Variants in TMEM109 observed in about 807,000 individuals in gnomAD.
TMEM109 encodes the protein transmembrane protein 109, also known as voltage-gated monoatomic cation channel TMEM109.
A neutral mutation model predicts 26.4 loss-of-function variants in TMEM109; 19 were observed. The observed-to-expected ratio is 0.72, with a 90% confidence interval of 0.50 to 1.06. The LOEUF (loss-of-function observed/expected upper bound fraction) is 1.06. Among genes scored for constraint, TMEM109 ranks in the 50% least tolerant of loss-of-function variants. The pLI is 0.00. For synonymous variants in TMEM109, 129 were observed against 142.0 expected (o/e 0.91, Z 0.65); for missense variants, 262 against 303.4 (o/e 0.86, Z 1.01).
At chr11:60,919,137 C>T (rs1424313807) in intron 1 of TMEM109, 1 of 158,870 alleles carries the variant, frequency 6.3e-6, no homozygotes, top group African/African-American at 2.4e-5. Context: ...GGATAAAAGC[C>T]ACCTCACATG....
intron 2 of TMEM109, 75 bp downstream of exon 2, chr11:60,920,005 C>A: frequency 8.1e-7 from 1 of 1,228,386 alleles, no homozygotes; most frequent in Non-Finnish European, 1.2e-6. Flanking sequence ...ATGGCCACCT[C>A]ATCTTAGTTC....
chr11:60,922,171 A>T lies in TMEM109; in HGVS notation c.*6A>T, dbSNP rs1362287186. 6.3e-7 allele frequency: 1 copy of T among 1,574,900 alleles called. No individual in the cohort carries two copies. Among genetic ancestry groups the T allele is most frequent in the Admixed American group, 1.8e-5 (1 of 54,508 alleles). ...GCAGTGTGGAGGAGGAGTGAGCCGG[A>T]TGCCCCACACACCGCCAGTGTCATA... On this transcript the variant is annotated 3_prime_UTR_variant, in exon 4 of 4. Coordinates refer to ENST00000227525, the MANE Select transcript of TMEM109 (RefSeq NM_024092.3).
rs1856245659 is a variant in TMEM109, at chr11:60,921,938, C to T, written c.505C>T (p.Leu169=). The part of the protein sequence containing the change: ...ILWGLKLVIF[L]AGFVALMRSV... ...GTGGGGCCTGAAGCTTGTCATCTTC[C>T]TGGCCGGCTTCGTGGCCCTGATGAG... The change falls in exon 4 of 4, where the codon CTG becomes TTG. Residue 169 remains leucine (L), a synonymous_variant. Transcript: ENST00000227525. The T allele has an allele frequency of 1.2e-6, 2 of 1,614,134 alleles. No individual in the cohort carries two copies. The highest frequency in any genetic ancestry group is 1.7e-5 in the Admixed American group (1 of 60,024).
At chr11:60,919,531 C>T (rs994631141) in intron 1 of TMEM109, 155 bp from the exon 2 acceptor site, 1 of 640,878 alleles carries the variant, frequency 1.6e-6, no homozygotes, top group African/African-American at 1.8e-5. Flanking sequence ...GTTGGAAGTC[C>T]CAGTCCTTCC....
chr11:60,915,472 G>A (rs911330604), intron 1 of TMEM109, among the ~76,000 whole-genome samples: 1 of 152,232 alleles, frequency 6.6e-6, no homozygotes, highest in African/African-American at 2.4e-5. Context: ...AATTCCTGAG[G>A]AGCTTTGCAA....
At chr11:60,920,819 T>A (rs1329946321) in intron 2 of TMEM109, 67 bp from the exon 3 acceptor site, 3 of 1,326,548 alleles carry the variant, frequency 2.3e-6, no homozygotes. Flanking sequence ...TGGACAGTGG[T>A]GATCAGGCGT....
Position 60,914,260 on chromosome 11 carries a change from C to T in TMEM109, c.-17C>T, listed in dbSNP as rs905462431. The stretch of plus-strand genomic sequence containing the variant: ...GTCGCACGTGAAGGATAGCAGTGGC[C>T]TGAGAAAGGTGAGAGCGGGCCGAGG... On this transcript the variant is annotated 5_prime_UTR_variant, in exon 1 of 4. Transcript: ENST00000227525. The T allele has an allele frequency of 6.6e-6, 1 of 152,242 alleles. No homozygotes were observed. The highest frequency in any genetic ancestry group is 2.1e-4 in the South Asian group (1 of 4,834). 9.4% of individuals were successfully genotyped at this position (152,242 alleles called of 1,614,324 possible). A position where few individuals can be genotyped will look rare whatever the true frequency, so the allele number is the denominator to read the frequency against.
At chr11:60,917,280 G>A (rs563012519) in intron 1 of TMEM109, among the ~76,000 whole-genome samples, 11 of 152,252 alleles carry the variant, frequency 7.2e-5, no homozygotes, top group South Asian at 2.1e-4. Context: ...AACTCCCTGA[G>A]TGCCTGTGTA....
In TMEM109 at chr11:60,922,454, T is replaced by G. The variant is rs574933226; in HGVS notation, c.*289T>G. 5.6e-6 allele frequency: 7 copies of G among 1,244,108 alleles called. No homozygotes were observed. The highest frequency in any genetic ancestry group is 7.7e-6 in the Non-Finnish European group (7 of 905,506). 77.1% of individuals were successfully genotyped at this position (1,244,108 alleles called of 1,614,324 possible). On this transcript the variant is annotated 3_prime_UTR_variant, in exon 4 of 4. Coordinates refer to ENST00000227525, the MANE Select transcript of TMEM109 (RefSeq NM_024092.3). Reference sequence around the variant, plus strand: ...AGGTTGGAGGGGCCTCCCTCTGGCTTCTGCATCTGCGCCAGCAAACATCAC... The same window carrying G: ...AGGTTGGAGGGGCCTCCCTCTGGCTGCTGCATCTGCGCCAGCAAACATCAC...
intron 1 of TMEM109, among the ~76,000 whole-genome samples, chr11:60,915,326 A>G (rs1001217065): frequency 1.3e-5 from 2 of 152,260 alleles, no homozygotes; most frequent in Admixed American, 6.5e-5. Context: ...AGGCAGGTTA[A>G]GTAACAGGCG....
At position 60,922,053 on chromosome 11, in the gene TMEM109, C is replaced by T; in HGVS notation, c.620C>T (p.Ala207Val). The part of the protein sequence containing the change: ...ALLSRLTGSR[A>V]SGAQLEAKVR... Reference sequence around the variant, plus strand: ...CTGAGCCGGCTCACTGGCTCCCGAGCCTCTGGGGCCCAACTCGAGGCCAAG... The same window carrying T: ...CTGAGCCGGCTCACTGGCTCCCGAGTCTCTGGGGCCCAACTCGAGGCCAAG... Residue 207 changes from alanine (A) to valine (V), a missense_variant, in exon 4 of 4, where the codon GCC becomes GTC. By Grantham distance (64) the Ala-to-Val change is moderately conservative. Coordinates refer to ENST00000227525, the MANE Select transcript of TMEM109 (RefSeq NM_024092.3). 6.2e-7 allele frequency: 1 copy of T among 1,613,236 alleles called. No homozygotes were observed. Among genetic ancestry groups the T allele is most frequent in the East Asian group, 2.2e-5 (1 of 44,878 alleles).
rs999821153 is a variant in TMEM109 at position 60,923,056 on chromosome 11, A to G, written c.*891A>G. Reference sequence around the variant, plus strand: ...CCTCCTTGTCTGCACAACTGCATGCACTTCTCTCCCCATCGCTCCACAACC... The same window carrying G: ...CCTCCTTGTCTGCACAACTGCATGCGCTTCTCTCCCCATCGCTCCACAACC... On this transcript the variant is annotated 3_prime_UTR_variant, in exon 4 of 4. Transcript: ENST00000227525. 1.3e-5 allele frequency: 2 copies of G among 152,650 alleles called. No individual in the cohort carries two copies. Among genetic ancestry groups the G allele is most frequent in the Middle Eastern group, 3.4e-3 (1 of 294 alleles). The allele number at this position is 152,650 out of a possible 1,614,324, so 9.5% of individuals were successfully genotyped here.
intron 1 of TMEM109, among the ~76,000 whole-genome samples, chr11:60,917,667 C>CT (rs559644070): frequency 2.7e-5 from 4 of 149,196 alleles, no homozygotes; most frequent in African/African-American, 4.9e-5. Context: ...TGTTGTGTGA[C>CT]TTTTTTTTTT....
At chr11:60,914,498 C>G (rs926822514) in intron 1 of TMEM109, among the ~76,000 whole-genome samples, 1 of 152,200 alleles carries the variant, frequency 6.6e-6, no homozygotes, top group Non-Finnish European at 1.5e-5. Flanking sequence ...AAGAGGGTTG[C>G]GGCGAGGTTC....
At chr11:60,919,997 G>A in intron 2 of TMEM109, 67 bp downstream of exon 2, 2 of 1,347,796 alleles carry the variant, frequency 1.5e-6, no homozygotes, top group East Asian at 2.3e-5. Flanking sequence ...GGTTGGTAAT[G>A]GCCACCTCAT....
chr11:60,922,262 T>C lies in TMEM109; in HGVS notation c.*97T>C, dbSNP rs547079216. Reference sequence around the variant, plus strand: ...CCAGCCCCCTGCCCTTTTCTTGCCCTGTCTCTGAACCTTCAGAACATTGAT... The same window carrying C: ...CCAGCCCCCTGCCCTTTTCTTGCCCCGTCTCTGAACCTTCAGAACATTGAT... On this transcript the variant is annotated 3_prime_UTR_variant, in exon 4 of 4. Coordinates refer to ENST00000227525, the MANE Select transcript of TMEM109 (RefSeq NM_024092.3). The C allele has an allele frequency of 2.6e-6, 4 of 1,546,646 alleles. No individual in the cohort carries two copies. Among genetic ancestry groups the C allele is most frequent in the South Asian group, 2.4e-5 (2 of 83,408 alleles).
At position 60,922,080 on chromosome 11, in the gene TMEM109, T is replaced by G. The variant is rs760062531; in HGVS notation, c.647T>G (p.Val216Gly). 6 of 1,613,204 alleles carry G rather than the reference T, an allele frequency of 3.7e-6. No homozygotes were observed. Among genetic ancestry groups the G allele is most frequent in the Non-Finnish European group, 5.1e-6 (6 of 1,179,894 alleles). The change falls in exon 4 of 4, where the codon GTG (valine) becomes GGG (glycine). Residue 216 changes from valine to glycine, a missense_variant. Val to Gly is a moderately radical substitution (Grantham distance 109). Coordinates refer to ENST00000227525, the MANE Select transcript of TMEM109 (RefSeq NM_024092.3). ...TCTGGGGCCCAACTCGAGGCCAAGG[T>G]GCGAGGGCTGGAACGCCAGGTGGAG... ...RASGAQLEAK[V>G]RGLERQVEEL...
chr11:60,920,021 C>T, intron 2 of TMEM109, 91 bp downstream of exon 2: 1 of 1,096,144 alleles, frequency 9.1e-7, no homozygotes, highest in Non-Finnish European at 1.4e-6. Flanking sequence ...AGTTCCACAT[C>T]CTCTCTGGTG....
At position 60,919,826 on chromosome 11, in the gene TMEM109, C is replaced by G; in HGVS notation, c.133C>G (p.Gln45Glu). Residue 45 changes from glutamine (Q) to glutamate (E), a missense_variant, in exon 2 of 4, where the codon CAG becomes GAG. Gln to Glu is a conservative substitution (Grantham distance 29). Coordinates refer to ENST00000227525, the MANE Select transcript of TMEM109 (RefSeq NM_024092.3). ...SRRDFAPPGQQKREAPVDVLT... is the reference protein window; with the variant it reads ...SRRDFAPPGQEKREAPVDVLT... ...TCGAGACTTTGCACCACCAGGCCAA[C>G]AGAAGAGAGAAGCCCCAGTTGATGT... 1 of 1,614,178 alleles carries G rather than the reference C, an allele frequency of 6.2e-7. No homozygotes were observed. The highest frequency in any genetic ancestry group is 8.5e-7 in the Non-Finnish European group (1 of 1,180,032).
Sources: gnomAD v4.1 joint callset for allele counts (sites outside exome capture counted in the v4.1 genomes callset) on GRCh38, gnomAD v4.1.1 for gene constraint, MANE v1.5 for transcripts, NCBI Gene and HGNC (gene_info 2026-07-23, HGNC 2026-07-21) for gene names.